SPACA1: variants seen among roughly 807,000 people sequenced by gnomAD.
SPACA1 encodes sperm acrosome membrane-associated protein 1.
A neutral mutation model predicts 32.6 loss-of-function variants in SPACA1; 17 were observed. The observed-to-expected ratio is 0.52, with a 90% CI of 0.36 to 0.78. The LOEUF (loss-of-function observed/expected upper bound fraction) is 0.78. SPACA1 is among the 30% of genes least tolerant of loss of function. SPACA1 has a pLI of 0.01. For missense variants in SPACA1, 363 were observed against 373.4 expected (o/e 0.97, Z 0.23); for synonymous variants, 140 against 138.1 (o/e 1.01, Z -0.10).
At position 88,053,961 on chromosome 6, in the gene SPACA1, T is replaced by A; in HGVS notation, c.224T>A (p.Val75Asp). 6.2e-7 allele frequency: 1 copy of A among 1,613,536 alleles called. No homozygotes were observed. The highest frequency in any genetic ancestry group is 1.1e-5 in the South Asian group (1 of 91,014). The change falls in exon 2 of 7, where the codon GTC becomes GAC. Residue 75 changes from valine to aspartate, a missense_variant. Physicochemically the swap from Val to Asp is radical, Grantham distance 152. Coordinates refer to ENST00000237201, the MANE Select transcript of SPACA1 (RefSeq NM_030960.3). ...TTATGTTTAGTTTCAAATAGGAATG[T>A]CGTCAAAGAAGTAGAATTCGGAATG... ...PETEDVSNRN[V>D]VKEVEFGMCT...
At chr6:88,052,268 T>C (rs1775738418) in intron 1 of SPACA1, among the ~76,000 whole-genome samples, 1 of 152,140 alleles carries the variant, frequency 6.6e-6, no homozygotes, top group Admixed American at 6.5e-5. Flanking sequence ...ATTGAACAAC[T>C]CTCCCAAAGT....
At chr6:88,058,683 C>T in intron 3 of SPACA1, 33 bp from the exon 4 acceptor site, 2 of 1,456,420 alleles carry the variant, frequency 1.4e-6, no homozygotes, top group South Asian at 1.2e-5. Flanking sequence ...TTTATAATGC[C>T]CAATGGTATT....
chr6:88,062,334 A>C (rs939859943), intron 5 of SPACA1, among the ~76,000 whole-genome samples: 2 of 152,226 alleles, frequency 1.3e-5, no homozygotes, highest in African/African-American at 4.8e-5. Flanking sequence ...AAATCAAAGT[A>C]TTTAAATAGT....
chr6:88,066,088 T>C (rs781531469), intron 6 of SPACA1, 94 bp from the exon 7 acceptor site: 135 of 897,964 alleles, frequency 1.5e-4, no homozygotes, highest in Middle Eastern at 1.3e-3. Context: ...CACACACACA[T>C]ATATATATAT....
At chr6:88,048,589 A>G (rs1289888450) in intron 1 of SPACA1, among the ~76,000 whole-genome samples, 2 of 152,188 alleles carry the variant, frequency 1.3e-5, no homozygotes, top group East Asian at 3.9e-4. Flanking sequence ...AAAACTGCCC[A>G]GAAGCCCCAT....
chr6:88,056,995 T>C (rs1410487985), intron 2 of SPACA1, among the ~76,000 whole-genome samples: 1 of 152,240 alleles, frequency 6.6e-6, no homozygotes, highest in East Asian at 1.9e-4. Flanking sequence ...GCATCATTTA[T>C]GCTAAAATGT....
chr6:88,059,522 G>T lies in SPACA1; in HGVS notation c.544G>T (p.Glu182Ter). The change falls in exon 5 of 7, where the codon GAG becomes TAG. Residue 182 changes from glutamate (E) to a stop codon, truncating the protein, a stop_gained. Transcript: ENST00000237201. LOFTEE classifies it high-confidence loss of function. ...VRKESHPLAF[E>*]CDTLDNNEIV... is the part of the protein sequence containing the mutation. ...CAAGGAAAGTCACCCCTTGGCTTTC[G>T]AGTGTGACACACTGGATAATAATGA... 8 of 1,613,002 alleles carry T rather than the reference G, an allele frequency of 5.0e-6. No individual in the cohort carries two copies. Among genetic ancestry groups the T allele is most frequent in the Non-Finnish European group, 5.9e-6 (7 of 1,179,246 alleles).
chr6:88,049,661 A>G (rs1465060007), intron 1 of SPACA1, among the ~76,000 whole-genome samples: 3 of 152,148 alleles, frequency 2.0e-5, no homozygotes, highest in African/African-American at 7.2e-5. Context: ...AATAAGAATA[A>G]AGGGATAGTG....
At chr6:88,056,782 A>G (rs1400875631) in intron 2 of SPACA1, among the ~76,000 whole-genome samples, 1 of 152,166 alleles carries the variant, frequency 6.6e-6, no homozygotes, top group Admixed American at 6.5e-5. Context: ...ACATGTAGCT[A>G]ATCCCATGTT....
intron 2 of SPACA1, 40 bp downstream of exon 2, chr6:88,054,042 T>G (rs1775769684): frequency 6.3e-7 from 1 of 1,592,206 alleles, no homozygotes; most frequent in Non-Finnish European, 8.6e-7. Flanking sequence ...ATGTTGTAAT[T>G]TGCGGGGGAG....
intron 1 of SPACA1, 32 bp downstream of exon 1, chr6:88,048,145 G>A (rs535615759): frequency 2.6e-6 from 4 of 1,552,274 alleles, no homozygotes; most frequent in Admixed American, 2.0e-5. Context: ...CGGGGCACGC[G>A]GAGGCCCCTG....
chr6:88,058,965 A>G, intron 4 of SPACA1, 143 bp downstream of exon 4: 1 of 561,302 alleles, frequency 1.8e-6, no homozygotes, highest in South Asian at 2.8e-5. Context: ...ATTATTTTGG[A>G]ATTTTAAAAT....
intron 5 of SPACA1, among the ~76,000 whole-genome samples, chr6:88,063,217 T>C (rs961315527): frequency 2.6e-5 from 4 of 152,160 alleles, no homozygotes; most frequent in African/African-American, 9.6e-5. Flanking sequence ...TTATTAGACA[T>C]TTAGCCAAAA....
chr6:88,062,363 A>G (rs1040766261), intron 5 of SPACA1, among the ~76,000 whole-genome samples: 1 of 152,194 alleles, frequency 6.6e-6, no homozygotes, highest in Non-Finnish European at 1.5e-5. Flanking sequence ...ACCTTGTACA[A>G]ATTAAACCTC....
chr6:88,064,052 C>A, intron 5 of SPACA1, 47 bp from the exon 6 acceptor site: 2 of 1,551,658 alleles, frequency 1.3e-6, no homozygotes, highest in East Asian at 2.3e-5. Flanking sequence ...ATATTCATTT[C>A]CTTTTCCTCA....
In SPACA1 at chr6:88,064,206, A is replaced by G. The variant is rs777428323; in HGVS notation, c.718A>G (p.Ile240Val). 11 of 1,611,194 alleles carry G rather than the reference A, an allele frequency of 6.8e-6. No individual in the cohort carries two copies. Among genetic ancestry groups the G allele is most frequent in the African/African-American group, 1.3e-5 (1 of 74,684 alleles). ...ATTTATAATTTTCTTATTGATCTTC[A>G]TAATCATAAATTGGTAGGTGAATAG... ...CVFIIFLLIF[I>V]IINWAAVKAF... Residue 240 changes from isoleucine (I) to valine (V), a missense_variant, in exon 6 of 7, where the codon ATA becomes GTA. By Grantham distance (29) the Ile-to-Val change is conservative. Coordinates refer to ENST00000237201, the MANE Select transcript of SPACA1 (RefSeq NM_030960.3).
chr6:88,066,389 A>G lies in SPACA1; in HGVS notation c.*54A>G, dbSNP rs1292411035. On this transcript the variant is annotated 3_prime_UTR_variant, in exon 7 of 7. Coordinates refer to ENST00000237201, the MANE Select transcript of SPACA1 (RefSeq NM_030960.3). Reference sequence around the variant, plus strand: ...GATATTACAGAATATTAGATTCATTATTACAAAAATAAAATACACATTGAA... The same window carrying G: ...GATATTACAGAATATTAGATTCATTGTTACAAAAATAAAATACACATTGAA... 5 of 1,447,078 alleles carry G rather than the reference A, an allele frequency of 3.5e-6. No individual in the cohort carries two copies. In the Admixed American group the frequency reaches 1.1e-4, roughly 32 times the overall value. The allele number at this position is 1,447,078 out of a possible 1,614,324, so 89.6% of individuals were successfully genotyped here. A position where few individuals can be genotyped will look rare whatever the true frequency, so the allele number is the denominator to read the frequency against.
chr6:88,062,569 A>G (rs1390123293), intron 5 of SPACA1, among the ~76,000 whole-genome samples: 3 of 152,218 alleles, frequency 2.0e-5, no homozygotes, highest in Admixed American at 6.5e-5. Context: ...GCAATACTGT[A>G]ATACATACGG....
chr6:88,065,298 G>A (rs1775964327), intron 6 of SPACA1, among the ~76,000 whole-genome samples: 1 of 147,860 alleles, frequency 6.8e-6, no homozygotes, highest in Non-Finnish European at 1.5e-5. Flanking sequence ...ACACTTATTA[G>A]AGAAGAGGTA....
Sources: allele counts gnomAD v4.1 joint callset (sites outside exome capture counted in the v4.1 genomes callset), GRCh38; gene constraint gnomAD v4.1.1; transcripts MANE v1.5; gene names NCBI Gene and HGNC (gene_info 2026-07-23, HGNC 2026-07-21).